TLL1: variants seen among roughly 807,000 people sequenced by gnomAD.
TLL1 encodes tolloid like 1.
A neutral mutation model predicts 128.2 loss-of-function variants in TLL1; 49 were observed. The observed-to-expected ratio is 0.38, with a 90% CI of 0.30 to 0.48. The LOEUF (loss-of-function observed/expected upper bound fraction) is 0.48, where lower values mean the gene tolerates loss of function less well. Among genes scored for constraint, TLL1 ranks in the 20% least tolerant of loss-of-function variants. The pLI, the probability that TLL1 is intolerant of heterozygous loss-of-function variation, is 0.96. For synonymous variants in TLL1, 454 were observed against 418.8 expected (o/e 1.08, Z -1.03); for missense variants, 1,123 against 1,242.0 (o/e 0.90, Z 1.44).
intron 1 of TLL1, among the ~76,000 whole-genome samples, chr4:165,891,314 A>AC (rs1731392627): frequency 6.6e-6 from 1 of 151,970 alleles, no homozygotes; most frequent in Admixed American, 6.6e-5. Context: ...CTTCAGCTGG[A>AC]TGAATTTCTC....
At chr4:165,963,568 A>AT (rs1424604451) in intron 1 of TLL1, among the ~76,000 whole-genome samples, 1 of 152,080 alleles carries the variant, frequency 6.6e-6, no homozygotes, top group Non-Finnish European at 1.5e-5. Flanking sequence ...TAATTTTAAG[A>AT]TTTTTTAATT....
chr4:166,057,456 T>C, intron 14 of TLL1, 147 bp downstream of exon 14: 1 of 1,255,008 alleles, frequency 8.0e-7, no homozygotes, highest in Non-Finnish European at 1.1e-6. Flanking sequence ...CAGTCACAGC[T>C]GATGTGAAAC....
intron 1 of TLL1, among the ~76,000 whole-genome samples, chr4:165,915,192 A>G (rs1283754541): frequency 6.6e-6 from 1 of 152,250 alleles, no homozygotes; most frequent in Non-Finnish European, 1.5e-5. Context: ...CATATGTACT[A>G]TAAGTAATAT....
chr4:165,877,679 G>C (rs1360163971), intron 1 of TLL1, among the ~76,000 whole-genome samples: 2 of 152,036 alleles, frequency 1.3e-5, no homozygotes, highest in Admixed American at 6.6e-5. Flanking sequence ...GATGAACTGC[G>C]TATTAACACA....
chr4:166,036,621 A>G (rs560568181), intron 9 of TLL1, among the ~76,000 whole-genome samples: 28 of 152,262 alleles, frequency 1.8e-4, no homozygotes, highest in African/African-American at 6.3e-4. Context: ...TCAGAGCCCT[A>G]TGATTTGATT....
intron 6 of TLL1, among the ~76,000 whole-genome samples, chr4:166,007,245 A>T (rs1737482100): frequency 6.6e-6 from 1 of 151,750 alleles, no homozygotes; most frequent in Non-Finnish European, 1.5e-5. Context: ...AGATACAAAC[A>T]GGCAATTGAA....
At chr4:165,924,524 T>C (rs1008021540) in intron 1 of TLL1, among the ~76,000 whole-genome samples, 1 of 152,150 alleles carries the variant, frequency 6.6e-6, no homozygotes, top group Non-Finnish European at 1.5e-5. Flanking sequence ...AGAGGAAATG[T>C]TGGAGGCTAG....
At chr4:165,874,166 C>T in intron 1 of TLL1, 93 bp downstream of exon 1, 1 of 1,484,568 alleles carries the variant, frequency 6.7e-7, no homozygotes, top group Non-Finnish European at 9.4e-7. Flanking sequence ...TGTTTCCTTC[C>T]CTCCCGCGTC....
intron 1 of TLL1, among the ~76,000 whole-genome samples, chr4:165,905,593 G>A (rs1237677095): frequency 1.3e-5 from 2 of 151,942 alleles, no homozygotes; most frequent in Non-Finnish European, 2.9e-5. Flanking sequence ...TATTCACCTC[G>A]TCATCTTCTC....
At chr4:165,878,598 C>T (rs2110805700) in intron 1 of TLL1, among the ~76,000 whole-genome samples, 1 of 152,140 alleles carries the variant, frequency 6.6e-6, no homozygotes, top group Admixed American at 6.5e-5. Context: ...AAATATATTC[C>T]CTCAGACTGA....
At chr4:165,997,695 G>A (rs1419132809) in intron 5 of TLL1, among the ~76,000 whole-genome samples, 3 of 152,214 alleles carry the variant, frequency 2.0e-5, no homozygotes, top group East Asian at 3.9e-4. Flanking sequence ...TCTGTATCAG[G>A]CCTTTAGTAG....
Position 166,077,898 on chromosome 4 carries a change from T to C in TLL1, c.2315-5T>C. ...CACTGTCTGATATTATGGTTATTGG[T>C]GCAGCTGAGTGTGAACAGAAGATCC... On this transcript the variant is annotated splice_polypyrimidine_tract_variant and splice_region_variant and intron_variant, in intron 17 of 20. Coordinates refer to ENST00000061240, the MANE Select transcript of TLL1 (RefSeq NM_012464.5). The C allele has an allele frequency of 6.2e-7, 1 of 1,613,332 alleles. No individual in the cohort carries two copies. The highest frequency in any genetic ancestry group is 2.2e-5 in the East Asian group (1 of 44,752).
At chr4:166,084,192 A>G (rs1039360533) in intron 18 of TLL1, among the ~76,000 whole-genome samples, 2 of 152,030 alleles carry the variant, frequency 1.3e-5, no homozygotes, top group East Asian at 3.9e-4. Context: ...TTTTCTTTTG[A>G]GAAATGTCTA....
intron 18 of TLL1, among the ~76,000 whole-genome samples, chr4:166,084,766 C>T (rs28852724): frequency 0.027 from 4,036 of 152,156 alleles, 160 homozygotes; most frequent in African/African-American, 0.083. Flanking sequence ...CAGTATTACG[C>T]TGTTTCGGTT....
At chr4:165,955,489 A>C (rs1414175611) in intron 1 of TLL1, among the ~76,000 whole-genome samples, 1 of 152,064 alleles carries the variant, frequency 6.6e-6, no homozygotes, top group African/African-American at 2.4e-5. Context: ...ACACATAGTC[A>C]TCAGATTCTC....
At chr4:166,061,464 C>T (rs1453553463) in intron 15 of TLL1, among the ~76,000 whole-genome samples, 3 of 152,094 alleles carry the variant, frequency 2.0e-5, no homozygotes, top group Non-Finnish European at 2.9e-5. Context: ...AGGCTAATCT[C>T]GAATTCTTGA....
At chr4:165,988,812 T>C (rs886119701) in intron 1 of TLL1, among the ~76,000 whole-genome samples, 6 of 152,064 alleles carry the variant, frequency 3.9e-5, no homozygotes, top group African/African-American at 1.4e-4. Flanking sequence ...TATATATCCA[T>C]TTTACAGAGA....
At chr4:165,881,223 T>G (rs1189688676) in intron 1 of TLL1, among the ~76,000 whole-genome samples, 1 of 152,216 alleles carries the variant, frequency 6.6e-6, no homozygotes, top group Non-Finnish European at 1.5e-5. Context: ...AAGAAGGGAA[T>G]GAGTCCTCAC....
At chr4:166,075,293 A>G (rs1740973097) in intron 17 of TLL1, among the ~76,000 whole-genome samples, 1 of 152,210 alleles carries the variant, frequency 6.6e-6, no homozygotes, top group African/African-American at 2.4e-5. Context: ...TTTGTGGAAC[A>G]GACCTTATAA....
Sources: allele counts gnomAD v4.1 joint callset (sites outside exome capture counted in the v4.1 genomes callset), GRCh38; gene constraint gnomAD v4.1.1; transcripts MANE v1.5; gene names NCBI Gene and HGNC (gene_info 2026-07-23, HGNC 2026-07-21).